DIPK1A: variants seen among roughly 807,000 people sequenced by gnomAD.
DIPK1A encodes the protein family with sequence similarity 69 member A.
A neutral mutation model predicts 40.8 loss-of-function variants in DIPK1A; 27 were observed. The ratio of observed to expected loss-of-function variants is 0.66; its 90% CI spans 0.49 to 0.91. The LOEUF (loss-of-function observed/expected upper bound fraction) is 0.91. Among genes scored for constraint, DIPK1A ranks in the 40% least tolerant of loss-of-function variants. DIPK1A has a pLI of 0.00. For synonymous variants in DIPK1A, 166 were observed against 171.3 expected (o/e 0.97, Z 0.24); for missense variants, 412 against 505.7 (o/e 0.81, Z 1.78).
chr1:92,921,336 C>T (rs1002617417), intron 1 of DIPK1A, among the ~76,000 whole-genome samples: 13 of 151,930 alleles, frequency 8.6e-5, no homozygotes, highest in African/African-American at 9.7e-5. Context: ...AAATTGTGAA[C>T]GATGTCCCAG....
chr1:92,886,964 A>C (rs547805593), intron 1 of DIPK1A, among the ~76,000 whole-genome samples: 105 of 152,202 alleles, frequency 6.9e-4, no homozygotes, highest in African/African-American at 2.5e-3. Context: ...AATATTTACT[A>C]TCTGGCTCTT....
chr1:92,959,926 T>G (rs1652003609), intron 1 of DIPK1A, among the ~76,000 whole-genome samples: 1 of 136,488 alleles, frequency 7.3e-6, no homozygotes, highest in African/African-American at 2.8e-5. Flanking sequence ...TTTTTTTTTT[T>G]TGTATTTTTA....
At chr1:92,875,555 G>A (rs1156245332) in intron 2 of DIPK1A, among the ~76,000 whole-genome samples, 1 of 151,736 alleles carries the variant, frequency 6.6e-6, no homozygotes, top group East Asian at 1.9e-4. Context: ...CGTCTTTACT[G>A]AAAATACAAA....
chr1:92,856,211 C>CA (rs989288154), intron 2 of DIPK1A, among the ~76,000 whole-genome samples: 3 of 151,400 alleles, frequency 2.0e-5, no homozygotes, highest in East Asian at 1.9e-4. Flanking sequence ...GTAGTGGTGG[C>CA]AAAAAAATAG....
At position 92,896,234 on chromosome 1, in the gene DIPK1A, TC is replaced by T. The variant is rs1649160947; in HGVS notation, c.55-19805del. Among the ~76,000 whole-genome samples, 5 of 152,140 alleles carry T rather than the reference TC, an allele frequency of 3.3e-5. No homozygotes were observed. In the South Asian group the frequency reaches 1.0e-3, roughly 32 times the overall value. ...CCAAAAGAACAAAGCTGGAGGCATC[TC>T]ACTACCTGACTTCAAACTATACTAC... On this transcript the variant is annotated intron_variant, in intron 1 of 4. Coordinates refer to ENST00000370310, the MANE Select transcript of DIPK1A (RefSeq NM_001006605.5).
chr1:92,955,186 G>A (rs1230786936), intron 1 of DIPK1A, among the ~76,000 whole-genome samples: 1 of 152,134 alleles, frequency 6.6e-6, no homozygotes, highest in Non-Finnish European at 1.5e-5. Flanking sequence ...GGGCTCAGTG[G>A]GGACAGAAGG....
At chr1:92,889,185 T>C (rs1648744369) in intron 1 of DIPK1A, among the ~76,000 whole-genome samples, 1 of 152,210 alleles carries the variant, frequency 6.6e-6, no homozygotes, top group Non-Finnish European at 1.5e-5. Context: ...ACTTTTAATA[T>C]GGTGAAAGAT....
intron 1 of DIPK1A, among the ~76,000 whole-genome samples, chr1:92,879,886 C>T (rs1384837340): frequency 6.6e-6 from 1 of 152,152 alleles, no homozygotes; most frequent in Admixed American, 6.6e-5. Flanking sequence ...CAATGACTGC[C>T]CAGCAGTTTT....
At chr1:92,903,456 C>T (rs1315954753) in intron 1 of DIPK1A, among the ~76,000 whole-genome samples, 1 of 152,216 alleles carries the variant, frequency 6.6e-6, no homozygotes, top group Non-Finnish European at 1.5e-5. Context: ...ATTTCCTTGA[C>T]AGTGGCCTTG....
At chr1:92,956,849 C>G (rs1651874020) in intron 1 of DIPK1A, among the ~76,000 whole-genome samples, 1 of 152,178 alleles carries the variant, frequency 6.6e-6, no homozygotes, top group Non-Finnish European at 1.5e-5. Flanking sequence ...ACTGAAATTG[C>G]TAGGGCAGTC....
Position 92,845,557 on chromosome 1 carries a change from T to C in DIPK1A, c.475-1362A>G, listed in dbSNP as rs900255528. On this transcript the variant is annotated intron_variant, in intron 4 of 4. Coordinates refer to ENST00000370310, the MANE Select transcript of DIPK1A (RefSeq NM_001006605.5). Reference sequence around the variant, plus strand: ...GTCTCTGCTGAAAAAAAAAAAAAAATGCTGGATGCGGTGGCTCACGCCTGT... The same window carrying C: ...GTCTCTGCTGAAAAAAAAAAAAAAACGCTGGATGCGGTGGCTCACGCCTGT... 2.9e-5 allele frequency: 3 copies of C among 103,498 alleles called. 1 individual carries two copies. The highest frequency in any genetic ancestry group is 1.6e-4 in the South Asian group (2 of 12,382). The allele number at this position is 103,498 out of a possible 1,614,324, so 6.4% of individuals were successfully genotyped here. A position where few individuals can be genotyped will look rare whatever the true frequency, so the allele number is the denominator to read the frequency against.
intron 1 of DIPK1A, among the ~76,000 whole-genome samples, chr1:92,955,173 T>C (rs1651798948): frequency 6.6e-6 from 1 of 152,168 alleles, no homozygotes; most frequent in Non-Finnish European, 1.5e-5. Context: ...CAGTGGCTTT[T>C]GGGGGCTCAG....
chr1:92,840,365 A>C (rs1182977040), downstream of DIPK1A: 5 of 571,548 alleles, frequency 8.7e-6, no homozygotes, highest in East Asian at 1.2e-4. Flanking sequence ...ACATTGCATA[A>C]GGTGAAAATT....
intron 2 of DIPK1A, among the ~76,000 whole-genome samples, chr1:92,854,616 G>C (rs1213450402): frequency 6.6e-6 from 1 of 152,208 alleles, no homozygotes; most frequent in Non-Finnish European, 1.5e-5. Flanking sequence ...GAAGTTCCTG[G>C]ACAAGCCCTT....
chr1:92,872,614 A>G (rs1435200008), intron 2 of DIPK1A, among the ~76,000 whole-genome samples: 3 of 152,114 alleles, frequency 2.0e-5, no homozygotes, highest in Non-Finnish European at 4.4e-5. Context: ...TTTTTTACAT[A>G]ATGTCTCCAG....
chr1:92,850,971 TA>T lies in DIPK1A; in HGVS notation c.190-17del. On this transcript the variant is annotated splice_polypyrimidine_tract_variant and intron_variant, in intron 2 of 4. Coordinates refer to ENST00000370310, the MANE Select transcript of DIPK1A (RefSeq NM_001006605.5). ...ACTTGTCACACTAAAAACCAGGAAA[TA>T]AAAAAGTAGTTAATAGAAAAATATT... The T allele has an allele frequency of 1.4e-6, 2 of 1,471,674 alleles. No homozygotes were observed. Among genetic ancestry groups the T allele is most frequent in the Non-Finnish European group, 1.9e-6 (2 of 1,080,360 alleles). 91.2% of individuals were successfully genotyped at this position (1,471,674 alleles called of 1,614,324 possible).
chr1:92,843,973 A>G lies in DIPK1A; in HGVS notation c.697T>C (p.Tyr233His). 6.4e-7 allele frequency: 1 copy of G among 1,552,066 alleles called. No individual in the cohort carries two copies. Among genetic ancestry groups the G allele is most frequent in the Non-Finnish European group, 8.7e-7 (1 of 1,147,040 alleles). The change falls in exon 5 of 5, where the codon TAT (tyrosine) becomes CAT (histidine). Residue 233 changes from tyrosine to histidine, a missense_variant. Tyr to His is a moderately conservative substitution (Grantham distance 83, BLOSUM62 2). Coordinates refer to ENST00000370310, the MANE Select transcript of DIPK1A (RefSeq NM_001006605.5). ...AGGCTTATTCCATAAAGAGAGGTAT[A>G]TTCAACACTTTCCATCACATAGAGG... ...GDLYVMESVEYTSLYGISLPW... is the reference protein window; with the variant it reads ...GDLYVMESVEHTSLYGISLPW...
In DIPK1A at chr1:92,864,729, G is replaced by T. The variant is rs553074840; in HGVS notation, c.189+11567C>A. Among the ~76,000 whole-genome samples the T allele has an allele frequency of 5.9e-5, 9 of 151,612 alleles. 1 individual carries two copies. The South Asian group carries it at 1.2e-3, about 21-fold the overall frequency. ...TAAATTAGTGATTTCTATAATCAGA[G>T]AAAATGTAAAAAAAAAATGATATAA... On this transcript the variant is annotated intron_variant, in intron 2 of 4. Coordinates refer to ENST00000370310, the MANE Select transcript of DIPK1A (RefSeq NM_001006605.5).
chr1:92,840,933 A>G, downstream of DIPK1A: 1 of 505,814 alleles, frequency 2.0e-6, no homozygotes, highest in Non-Finnish European at 3.8e-6. Context: ...TAAATGGAAT[A>G]GAAAGTAATA....
Sources: gnomAD v4.1 joint callset for allele counts (sites outside exome capture counted in the v4.1 genomes callset) on GRCh38, gnomAD v4.1.1 for gene constraint, MANE v1.5 for transcripts, NCBI Gene and HGNC (gene_info 2026-07-23, HGNC 2026-07-21) for gene names.